SIPA1L2: variants seen among roughly 807,000 people sequenced by gnomAD.
SIPA1L2 encodes signal induced proliferation associated 1 like 2.
A neutral mutation model predicts 163.9 loss-of-function variants in SIPA1L2; 56 were observed. The ratio of observed to expected loss-of-function variants is 0.34; its 90% CI spans 0.28 to 0.43. The LOEUF is 0.43. Ranked by LOEUF, SIPA1L2 falls within the 20% of genes least tolerant of loss-of-function variation. The pLI, the probability that SIPA1L2 is intolerant of heterozygous loss-of-function variation, is 1.00. For missense variants in SIPA1L2, 1,974 were observed against 2,193.5 expected, an observed-to-expected ratio of 0.90 and a Z score of 2.00; for synonymous variants, 877 against 865.7, an observed-to-expected ratio of 1.01 and a Z score of -0.23.
At chr1:232,458,036 T>C (rs1173459428) in intron 10 of SIPA1L2, among the ~76,000 whole-genome samples, 1 of 152,220 alleles carries the variant, frequency 6.6e-6, no homozygotes, top group Non-Finnish European at 1.5e-5. Context: ...CAGGCTAGGC[T>C]TAAAGCCTTC....
At chr1:232,419,686 C>G (rs1195840763) in intron 18 of SIPA1L2, among the ~76,000 whole-genome samples, 1 of 152,218 alleles carries the variant, frequency 6.6e-6, no homozygotes, top group African/African-American at 2.4e-5. Context: ...TCACCAGAAG[C>G]TGATGCCAGC....
intron 1 of SIPA1L2, among the ~76,000 whole-genome samples, chr1:232,577,452 TCTGA>T (rs1660141030): frequency 6.6e-6 from 1 of 152,152 alleles, no homozygotes. Flanking sequence ...AAAAAGTAAA[TCTGA>T]CTTTTAAATT....
intron 3 of SIPA1L2, among the ~76,000 whole-genome samples, chr1:232,507,328 AG>A (rs1248533925): frequency 1.3e-5 from 2 of 152,166 alleles, no homozygotes; most frequent in African/African-American, 4.8e-5. Flanking sequence ...GGAAGCCTGC[AG>A]AAGAGTCATT....
intron 10 of SIPA1L2, among the ~76,000 whole-genome samples, chr1:232,453,396 G>A (rs893084207): frequency 6.6e-6 from 1 of 152,318 alleles, no homozygotes; most frequent in East Asian, 1.9e-4. Flanking sequence ...CTAATCCCAT[G>A]ACTGGAACTT....
At chr1:232,493,775 C>A in intron 3 of SIPA1L2, 115 bp from the exon 4 acceptor site, 1 of 1,297,674 alleles carries the variant, frequency 7.7e-7, no homozygotes, top group Non-Finnish European at 1.1e-6. Context: ...AGCTCATACA[C>A]AGTGATTTCC....
chr1:232,473,101 A>G (rs1056736214), intron 7 of SIPA1L2, among the ~76,000 whole-genome samples: 1 of 152,260 alleles, frequency 6.6e-6, no homozygotes, highest in Non-Finnish European at 1.5e-5. Context: ...AAAGTTTGCT[A>G]GATATTTAAA....
chr1:232,421,811 T>C (rs1291162338), intron 18 of SIPA1L2, among the ~76,000 whole-genome samples: 1 of 152,244 alleles, frequency 6.6e-6, no homozygotes, highest in Non-Finnish European at 1.5e-5. Context: ...GGGGCATTCT[T>C]TGTGATGTGC....
chr1:232,480,084 G>A (rs1305323295), intron 6 of SIPA1L2, among the ~76,000 whole-genome samples: 1 of 152,042 alleles, frequency 6.6e-6, no homozygotes, highest in Non-Finnish European at 1.5e-5. Context: ...GCTGGTCCAG[G>A]TCTGGGTGCA....
At chr1:232,406,500 T>C (rs190637048) in intron 19 of SIPA1L2, among the ~76,000 whole-genome samples, 59 of 152,386 alleles carry the variant, frequency 3.9e-4, no homozygotes, top group Non-Finnish European at 6.2e-4. Context: ...GGCTATTCCA[T>C]ATCCTAGAGC....
At chr1:232,420,369 C>A (rs1661500183) in intron 18 of SIPA1L2, among the ~76,000 whole-genome samples, 1 of 152,152 alleles carries the variant, frequency 6.6e-6, no homozygotes, top group Non-Finnish European at 1.5e-5. Flanking sequence ...CCTGAAGGAG[C>A]AAGAGCAATT....
intron 1 of SIPA1L2, among the ~76,000 whole-genome samples, chr1:232,577,219 T>C (rs1285673): frequency 0.57 from 86,180 of 152,034 alleles, 24,691 homozygotes; most frequent in East Asian, 0.85. Flanking sequence ...TGCTCTATCA[T>C]TGGAACAACA....
chr1:232,482,501 A>G (rs540616162), intron 6 of SIPA1L2, among the ~76,000 whole-genome samples: 1 of 152,250 alleles, frequency 6.6e-6, no homozygotes, highest in East Asian at 1.9e-4. Flanking sequence ...ATATATAGAT[A>G]TTCATATTTT....
chr1:232,556,623 A>G (rs755595183), intron 2 of SIPA1L2, among the ~76,000 whole-genome samples: 1 of 152,188 alleles, frequency 6.6e-6, no homozygotes, highest in Admixed American at 6.5e-5. Context: ...AGATAAAACC[A>G]AAAGAAATTA....
chr1:232,598,159 TG>T (rs949160372), intron 1 of SIPA1L2, among the ~76,000 whole-genome samples: 3 of 151,738 alleles, frequency 2.0e-5, no homozygotes, highest in African/African-American at 7.3e-5. Context: ...CCTGACACTT[TG>T]GGAGGCCAAG....
chr1:232,481,117 C>CA (rs1042400570), intron 6 of SIPA1L2, among the ~76,000 whole-genome samples: 7 of 150,814 alleles, frequency 4.6e-5, no homozygotes, highest in Admixed American at 2.0e-4. Context: ...TCAGCCCCGC[C>CA]AAAAAAAAAT....
intron 2 of SIPA1L2, among the ~76,000 whole-genome samples, chr1:232,555,390 C>T (rs1395105299): frequency 6.6e-6 from 1 of 152,170 alleles, no homozygotes; most frequent in African/African-American, 2.4e-5. Context: ...TGATCTTTAT[C>T]ACCTCCAGCT....
intron 19 of SIPA1L2, among the ~76,000 whole-genome samples, chr1:232,412,614 A>T (rs913980678): frequency 1.8e-4 from 28 of 152,184 alleles, no homozygotes; most frequent in African/African-American, 6.8e-4. Context: ...GCTCATCACC[A>T]CCATGCAACT....
Position 232,577,440 on chromosome 1 carries a change from T to TTAAAAA in SIPA1L2, c.-318-3224_-318-3219dup, listed in dbSNP as rs1660139970. Among the ~76,000 whole-genome samples, 6 of 152,336 alleles carry TTAAAAA rather than the reference T, an allele frequency of 3.9e-5. No homozygotes were observed. The South Asian group carries it at 1.2e-3, about 32-fold the overall frequency. The stretch of plus-strand genomic sequence containing the variant: ...CAACATCCATTCCGCAGCCCATGGA[T>TTAAAAA]TAAAAAGTAAATCTGACTTTTAAAT... On this transcript the variant is annotated intron_variant, in intron 1 of 22. Transcript: ENST00000674635.
At chr1:232,409,073 A>G (rs922868010) in intron 19 of SIPA1L2, among the ~76,000 whole-genome samples, 1 of 152,166 alleles carries the variant, frequency 6.6e-6, no homozygotes, top group African/African-American at 2.4e-5. Context: ...TTTTTCTTCA[A>G]AAATTCTTAT....
Sources: allele counts gnomAD v4.1 joint callset (sites outside exome capture counted in the v4.1 genomes callset), GRCh38; gene constraint gnomAD v4.1.1; transcripts MANE v1.5; gene names NCBI Gene and HGNC (gene_info 2026-07-23, HGNC 2026-07-21).